The following ADAMTS6 variants were observed in gnomAD, a reference collection of about 807,000 sequenced individuals.
The protein encoded by ADAMTS6 is A disintegrin and metalloproteinase with thrombospondin motifs 6.
A neutral mutation model predicts 144.3 loss-of-function variants in ADAMTS6; 23 were observed. The ratio of observed to expected loss-of-function variants is 0.16; its 90% CI spans 0.11 to 0.23. The LOEUF is 0.23. Ranked by LOEUF, ADAMTS6 falls within the 10% of genes least tolerant of loss-of-function variation. The probability of loss-of-function intolerance (pLI) is 1.00; values close to 1 mark genes in which losing one functional copy is unlikely to be tolerated. For synonymous variants in ADAMTS6, 444 were observed against 457.5 expected, an observed-to-expected ratio of 0.97 and a Z score of 0.38; for missense variants, 999 against 1,379.6, an observed-to-expected ratio of 0.72 and a Z score of 4.37.
chr5:65,316,437 A>G (rs546870482), intron 9 of ADAMTS6, among the ~76,000 whole-genome samples: 193 of 152,326 alleles, frequency 1.3e-3, no homozygotes, highest in African/African-American at 4.4e-3. Context: ...AAAACAAATG[A>G]AAAAAGCTAG....
chr5:65,463,837 C>T (rs558677869), intron 3 of ADAMTS6, among the ~76,000 whole-genome samples: 27 of 152,336 alleles, frequency 1.8e-4, no homozygotes, highest in Admixed American at 4.6e-4. Context: ...CTAAATGACA[C>T]TCCTTTCCTG....
chr5:65,450,387 T>A (rs1488547730), intron 7 of ADAMTS6, among the ~76,000 whole-genome samples: 1 of 152,188 alleles, frequency 6.6e-6, no homozygotes. Context: ...ATTATCTTAC[T>A]GGATCTCAAG....
At chr5:65,172,717 T>C in intron 23 of ADAMTS6, 115 bp downstream of exon 23, 5 of 1,244,128 alleles carry the variant, frequency 4.0e-6, no homozygotes, top group Non-Finnish European at 5.5e-6. Context: ...ATACTTAGAC[T>C]TCTACGTGTT....
At chr5:65,324,242 T>C (rs1174911463) in intron 9 of ADAMTS6, among the ~76,000 whole-genome samples, 1 of 152,160 alleles carries the variant, frequency 6.6e-6, no homozygotes, top group Non-Finnish European at 1.5e-5. Context: ...TGGATATTCA[T>C]ATGGAAAAAA....
At chr5:65,174,020 C>CAA (rs33956781) in intron 22 of ADAMTS6, among the ~76,000 whole-genome samples, 72,539 of 141,152 alleles carry the variant, frequency 0.51, 20,449 homozygotes, top group Non-Finnish European at 0.65. Flanking sequence ...GATTCTGTCT[C>CAA]AAAAAAAAAA....
intron 24 of ADAMTS6, among the ~76,000 whole-genome samples, chr5:65,161,054 T>C (rs1003581578): frequency 3.9e-5 from 6 of 152,018 alleles, no homozygotes; most frequent in African/African-American, 1.2e-4. Context: ...ATTTATTTAT[T>C]TTGAGACAGA....
chr5:65,379,917 A>T (rs1220194469), intron 7 of ADAMTS6, among the ~76,000 whole-genome samples: 1 of 152,098 alleles, frequency 6.6e-6, no homozygotes, highest in Non-Finnish European at 1.5e-5. Flanking sequence ...AATCAAGAGT[A>T]ACTTTCATAT....
Position 65,330,002 on chromosome 5 carries a change from A to G in ADAMTS6, c.1118-519T>C, listed in dbSNP as rs557470760. ...TCAAAAGATGGAAAGGAGAACTGTTAAAGATGGGAGGTTTTTGCATTTTTT... is the reference window on the plus strand; with the variant it reads ...TCAAAAGATGGAAAGGAGAACTGTTGAAGATGGGAGGTTTTTGCATTTTTT... On this transcript the variant is annotated intron_variant, in intron 8 of 24. Transcript: ENST00000381055. Among the ~76,000 whole-genome samples the G allele has an allele frequency of 3.9e-5, 6 of 152,250 alleles. No homozygotes were observed. In the South Asian group the frequency reaches 1.2e-3, roughly 32 times the overall value.
At chr5:65,264,127 A>G (rs1379362707) in intron 12 of ADAMTS6, among the ~76,000 whole-genome samples, 2 of 152,150 alleles carry the variant, frequency 1.3e-5, no homozygotes, top group Non-Finnish European at 2.9e-5. Context: ...TTGTGCTTCT[A>G]CTTTTTTCTC....
At chr5:65,334,254 A>G (rs1747089779) in intron 7 of ADAMTS6, among the ~76,000 whole-genome samples, 169 bp from the exon 8 acceptor site, 1 of 152,174 alleles carries the variant, frequency 6.6e-6, no homozygotes, top group African/African-American at 2.4e-5. Flanking sequence ...GGGACACCAC[A>G]GGCAGCACTA....
intron 7 of ADAMTS6, among the ~76,000 whole-genome samples, chr5:65,432,131 C>T (rs1370451618): frequency 6.6e-6 from 1 of 151,966 alleles, no homozygotes; most frequent in African/African-American, 2.4e-5. Flanking sequence ...TTTAAAGATG[C>T]TAGTTTTTGA....
At chr5:65,183,949 C>T (rs1480477289) in intron 22 of ADAMTS6, among the ~76,000 whole-genome samples, 1 of 151,924 alleles carries the variant, frequency 6.6e-6, no homozygotes, top group Admixed American at 6.6e-5. Flanking sequence ...CATAATAAAC[C>T]TTTAGGTAGC....
chr5:65,243,238 C>A (rs1265490735), intron 14 of ADAMTS6, among the ~76,000 whole-genome samples: 1 of 152,090 alleles, frequency 6.6e-6, no homozygotes, highest in African/African-American at 2.4e-5. Context: ...GTTACAGGCA[C>A]ACTCAGAGAT....
At chr5:65,320,138 TG>T (rs1353844037) in intron 9 of ADAMTS6, among the ~76,000 whole-genome samples, 2 of 152,170 alleles carry the variant, frequency 1.3e-5, no homozygotes, top group African/African-American at 4.8e-5. Flanking sequence ...CCATCGCGCC[TG>T]GCCACCAAAA....
chr5:65,206,122 A>C (rs1261234027), intron 20 of ADAMTS6, among the ~76,000 whole-genome samples: 2 of 152,174 alleles, frequency 1.3e-5, no homozygotes, highest in Non-Finnish European at 2.9e-5. Flanking sequence ...TTTACAAATC[A>C]GGGGTTCTCA....
chr5:65,338,559 G>A (rs1747523485), intron 7 of ADAMTS6, among the ~76,000 whole-genome samples: 1 of 152,194 alleles, frequency 6.6e-6, no homozygotes, highest in African/African-American at 2.4e-5. Context: ...CAGCAGACAT[G>A]CCCCCAGGGC....
intron 22 of ADAMTS6, among the ~76,000 whole-genome samples, chr5:65,175,006 G>C (rs57027704): frequency 0.091 from 13,910 of 152,136 alleles, 777 homozygotes; most frequent in Non-Finnish European, 0.12. Context: ...AGGAAGCCTG[G>C]ACAGGTCCCT....
chr5:65,334,468 T>C (rs940479579), intron 7 of ADAMTS6, among the ~76,000 whole-genome samples: 2 of 152,208 alleles, frequency 1.3e-5, no homozygotes, highest in Non-Finnish European at 2.9e-5. Context: ...CCTGTGGGAA[T>C]AGGTTTTGTT....
intron 7 of ADAMTS6, among the ~76,000 whole-genome samples, chr5:65,347,562 T>C (rs567425201): frequency 7.9e-5 from 12 of 151,814 alleles, no homozygotes; most frequent in East Asian, 3.9e-4. Context: ...AAAAAAAACA[T>C]AGGAGAAAAG....
Sources: gnomAD v4.1 joint callset for allele counts (sites outside exome capture counted in the v4.1 genomes callset) on GRCh38, gnomAD v4.1.1 for gene constraint, MANE v1.5 for transcripts, NCBI Gene and HGNC (gene_info 2026-07-23, HGNC 2026-07-21) for gene names.